The following RAD50 variants were observed in gnomAD, a reference collection of about 807,000 sequenced individuals.
The protein encoded by RAD50 is RAD50 double strand break repair protein.
RAD50 carries 132 observed loss-of-function variants against 168.8 expected under a neutral mutation model. The observed-to-expected ratio is 0.78, with a 90% CI of 0.68 to 0.90. RAD50 has a LOEUF of 0.90. Ranked by LOEUF, RAD50 falls within the 40% of genes least tolerant of loss-of-function variation. The pLI is 0.00. For synonymous variants in RAD50, 525 were observed against 497.4 expected (o/e 1.06, Z -0.74); for missense variants, 1,347 against 1,534.4 (o/e 0.88, Z 2.04).
intron 16 of RAD50, among the ~76,000 whole-genome samples, chr5:132,607,571 T>C (rs1448366969): frequency 6.6e-6 from 1 of 152,170 alleles, no homozygotes; most frequent in East Asian, 1.9e-4. Flanking sequence ...ATATCAGAGG[T>C]TCAGAATATA....
intron 2 of RAD50, among the ~76,000 whole-genome samples, chr5:132,563,054 A>G (rs990546740): frequency 5.3e-5 from 8 of 152,222 alleles, no homozygotes; most frequent in Non-Finnish European, 4.4e-5. Context: ...AATCAGAGAA[A>G]AGATAAAGAA....
chr5:132,624,806 G>A (rs932873707), intron 21 of RAD50, among the ~76,000 whole-genome samples: 1 of 149,996 alleles, frequency 6.7e-6, no homozygotes, highest in Non-Finnish European at 1.5e-5. Context: ...AGCCCGTGGC[G>A]GGTTGCAATG....
intron 14 of RAD50, 102 bp downstream of exon 14, chr5:132,603,591 G>A: frequency 7.7e-7 from 1 of 1,295,028 alleles, no homozygotes; most frequent in Non-Finnish European, 1.1e-6. Context: ...GGTACAGGTT[G>A]TGTTTAGAAT....
At chr5:132,637,552 T>C (rs997852841) in intron 22 of RAD50, among the ~76,000 whole-genome samples, 1 of 148,992 alleles carries the variant, frequency 6.7e-6, no homozygotes, top group Non-Finnish European at 1.5e-5. Flanking sequence ...CCAGATGGAG[T>C]CTCGCACTTC....
intron 6 of RAD50, 102 bp downstream of exon 6, chr5:132,587,792 C>T (rs1750621207): frequency 3.8e-6 from 6 of 1,562,580 alleles, no homozygotes; most frequent in Middle Eastern, 1.7e-4. Context: ...AAAACAAATA[C>T]AGATCTTGTT....
At position 132,588,718 on chromosome 5, in the gene RAD50, A is replaced by G. The variant is rs1060504402; in HGVS notation, c.1083A>G (p.Gln361=). Residue 361 remains glutamine (Q), a synonymous_variant, in exon 8 of 25, where the codon CAA becomes CAG. Transcript: ENST00000378823. ...TACAGCTGCAAGCAGATCGCCATCAAGAACATATCCGAGCTAGAGATTCAT... is the reference window on the plus strand; with the variant it reads ...TACAGCTGCAAGCAGATCGCCATCAGGAACATATCCGAGCTAGAGATTCAT... The part of the protein sequence containing the change: ...GRLQLQADRH[Q]EHIRARDSLI... 2.5e-6 allele frequency: 4 copies of G among 1,613,986 alleles called. No homozygotes were observed. The highest frequency in any genetic ancestry group is 3.4e-6 in the Non-Finnish European group (4 of 1,179,936).
rs1580994247 is a variant in RAD50 at position 132,591,102 on chromosome 5, G to A, written c.1453-122G>A. ...GTGCCTTATGTTTTTTTCTCTTGTT[G>A]GATGCAAACAGTAATATTTGGAACA... On this transcript the variant is annotated intron_variant, in intron 9 of 24. Coordinates refer to ENST00000378823, the MANE Select transcript of RAD50 (RefSeq NM_005732.4). The A allele has an allele frequency of 3.0e-6, 3 of 1,002,398 alleles. No homozygotes were observed. In the East Asian group the frequency reaches 7.2e-5, roughly 24 times the overall value. The allele number at this position is 1,002,398 out of a possible 1,614,324, so 62.1% of individuals were successfully genotyped here.
intron 13 of RAD50, among the ~76,000 whole-genome samples, chr5:132,600,777 A>G (rs1750874127): frequency 6.6e-6 from 1 of 152,180 alleles, no homozygotes; most frequent in African/African-American, 2.4e-5. Context: ...AGTTTCTGAA[A>G]AAACAGAAAT....
chr5:132,630,687 G>C (rs2149859359), intron 21 of RAD50: 1 of 152,370 alleles, frequency 6.6e-6, no homozygotes, highest in South Asian at 2.1e-4. Flanking sequence ...AGAAAACTAA[G>C]TTAATAGGTT....
In RAD50 at chr5:132,594,934, A is replaced by G; in HGVS notation, c.1859A>G (p.Glu620Gly). ...HINNELKRKE[E>G]QLSSYEDKLF... ...AATAATGAACTAAAAAGAAAGGAAG[A>G]GCAGTTGTCCAGTTACGAAGACAAG... The change falls in exon 12 of 25, where the codon GAG (glutamate) becomes GGG (glycine). Residue 620 changes from glutamate (E) to glycine (G), a missense_variant. By Grantham distance (98) the Glu-to-Gly change is moderately conservative (BLOSUM62 -2). This residue lies in a region of RAD50 where 703 missense variants were observed against 767.7 expected (regional missense o/e 0.92). Coordinates refer to ENST00000378823, the MANE Select transcript of RAD50 (RefSeq NM_005732.4). The G allele has an allele frequency of 6.2e-7, 1 of 1,609,522 alleles. No individual in the cohort carries two copies. The highest frequency in any genetic ancestry group is 2.2e-5 in the East Asian group (1 of 44,844).
chr5:132,574,015 G>A (rs2149835754), intron 2 of RAD50, among the ~76,000 whole-genome samples: 1 of 152,312 alleles, frequency 6.6e-6, no homozygotes, highest in South Asian at 2.1e-4. Flanking sequence ...GTTTTTCCAG[G>A]TGCACAGTGC....
intron 21 of RAD50, among the ~76,000 whole-genome samples, chr5:132,631,205 C>T (rs1434835965): frequency 4.6e-5 from 7 of 150,814 alleles, no homozygotes; most frequent in Non-Finnish European, 8.8e-5. Context: ...ACTGTAACCT[C>T]CACCTCCCAG....
chr5:132,630,299 C>G (rs1751441656), intron 21 of RAD50, among the ~76,000 whole-genome samples: 1 of 152,170 alleles, frequency 6.6e-6, no homozygotes, highest in Non-Finnish European at 1.5e-5. Context: ...GCCTTGGCCT[C>G]CCAAAGTGCT....
chr5:132,573,497 G>A (rs191882451), intron 2 of RAD50, among the ~76,000 whole-genome samples: 62 of 152,208 alleles, frequency 4.1e-4, no homozygotes, highest in African/African-American at 1.3e-3. Flanking sequence ...AACACATGGG[G>A]ATTCAAGATG....
intron 12 of RAD50, chr5:132,595,262 T>C (rs2149843857): frequency 1.7e-6 from 1 of 601,026 alleles, no homozygotes; most frequent in African/African-American, 1.9e-5. Flanking sequence ...AACTACCACC[T>C]GTGGTACTGA....
rs587782311 is a variant in RAD50 at position 132,609,124 on chromosome 5, A to T, written c.2837A>T (p.Asp946Val). 2.4e-5 allele frequency: 38 copies of T among 1,611,334 alleles called. No individual in the cohort carries two copies. Among genetic ancestry groups the T allele is most frequent in the Non-Finnish European group, 3.0e-5 (35 of 1,179,028 alleles). Residue 946 changes from aspartate to valine, a missense_variant, in exon 18 of 25, where the codon GAT (aspartate) becomes GTT (valine). Asp to Val is a radical substitution (Grantham distance 152, BLOSUM62 -3). Transcript: ENST00000378823. ...ATGAATATTTTTCTACAGCTGAATG[A>T]TATTAAAGAGAAGGTTAAAAATATT... is the stretch of plus-strand genomic sequence containing the variant. ...SNKIAQDKLNDIKEKVKNIHG... is the reference protein window; with the variant it reads ...SNKIAQDKLNVIKEKVKNIHG...
chr5:132,636,107 G>A (rs79019583), intron 21 of RAD50, among the ~76,000 whole-genome samples: 382 of 152,328 alleles, frequency 2.5e-3, no homozygotes, highest in African/African-American at 8.6e-3. Context: ...TAAGAGGCCT[G>A]CAAATGGAAG....
At chr5:132,593,913 A>C (rs1192077341) in intron 11 of RAD50, among the ~76,000 whole-genome samples, 1 of 152,198 alleles carries the variant, frequency 6.6e-6, no homozygotes, top group African/African-American at 2.4e-5. Context: ...AGAGCCAGAT[A>C]GCTGTGGTGT....
At position 132,643,725 on chromosome 5, in the gene RAD50, T is replaced by TTGG. The variant is rs1333156373; in HGVS notation, c.*1361_*1362insTGG. On this transcript the variant is annotated 3_prime_UTR_variant, in exon 25 of 25. Coordinates refer to ENST00000378823, the MANE Select transcript of RAD50 (RefSeq NM_005732.4). Reference sequence around the variant, plus strand: ...GAGTATCCTGGGGGTGGTGGTGGGGTGGGGGGGGGTCCTAAATGTAATCAC... The same window carrying TTGG: ...GAGTATCCTGGGGGTGGTGGTGGGGTTGGGGGGGGGGGTCCTAAATGTAATCAC... The TTGG allele has an allele frequency of 1.7e-4, 18 of 104,398 alleles. No individual in the cohort carries two copies. The South Asian group carries it at 5.8e-3, about 34-fold the overall frequency. The allele number at this position is 104,398 out of a possible 1,614,324, so 6.5% of individuals were successfully genotyped here.
Sources: allele counts gnomAD v4.1 joint callset (sites outside exome capture counted in the v4.1 genomes callset), GRCh38; gene constraint gnomAD v4.1.1; regional missense constraint gnomAD v4.1.1; transcripts MANE v1.5; gene names NCBI Gene and HGNC (gene_info 2026-07-23, HGNC 2026-07-21).